Variants in CEP112 observed in about 807,000 individuals in gnomAD.
CEP112 encodes centrosomal protein of 112 kDa.
Under a neutral mutation model 153.0 loss-of-function variants are expected in CEP112, and 127 were observed. The ratio of observed to expected loss-of-function variants is 0.83; its 90% CI spans 0.72 to 0.96. The LOEUF is 0.96. CEP112 is among the 40% of genes least tolerant of loss of function. The probability of loss-of-function intolerance (pLI) is 0.00; values close to 1 mark genes in which losing one functional copy is unlikely to be tolerated. For missense variants in CEP112, 1,089 were observed against 1,101.2 expected, an observed-to-expected ratio of 0.99 and a Z score of 0.16; for synonymous variants, 358 against 374.4, an observed-to-expected ratio of 0.96 and a Z score of 0.51.
At chr17:65,818,697 A>G (rs1322680335) in intron 21 of CEP112, among the ~76,000 whole-genome samples, 2 of 151,868 alleles carry the variant, frequency 1.3e-5, no homozygotes, top group African/African-American at 4.8e-5. Context: ...ACTCTATAAC[A>G]GGGTTTTGGT....
chr17:66,009,071 G>A (rs10775400), intron 16 of CEP112, among the ~76,000 whole-genome samples: 62,125 of 151,514 alleles, frequency 0.41, 14,132 homozygotes, highest in East Asian at 0.87. Context: ...TGAATGATAC[G>A]GTAGTGCTAT....
chr17:65,773,591 G>A (rs2053508476), intron 21 of CEP112, among the ~76,000 whole-genome samples: 1 of 152,096 alleles, frequency 6.6e-6, no homozygotes, highest in Non-Finnish European at 1.5e-5. Flanking sequence ...AATGCTCATT[G>A]TAGAAAAACC....
intron 4 of CEP112, among the ~76,000 whole-genome samples, chr17:66,138,067 A>G (rs1321506382): frequency 6.6e-6 from 1 of 152,168 alleles, no homozygotes; most frequent in Admixed American, 6.5e-5. Context: ...TCAATCAATG[A>G]GATCAATGAG....
rs770688455 is a variant in CEP112, at chr17:66,063,040, T to C, written c.997A>G (p.Lys333Glu). Reference sequence around the variant, plus strand: ...TTCAGCTCTGCAATCTGGTCTTCTTTAGTCTCTCTGATAACTTGACAGTCA... The same window carrying C: ...TTCAGCTCTGCAATCTGGTCTTCTTCAGTCTCTCTGATAACTTGACAGTCA... ...IRDCQVIRET[K>E]EDQIAELKKI... The change falls in exon 11 of 27, where the codon AAA becomes GAA. Residue 333 changes from lysine (K) to glutamate (E), a missense_variant. Coordinates refer to ENST00000535342, the MANE Select transcript of CEP112 (RefSeq NM_001199165.4). 1.3e-6 allele frequency: 2 copies of C among 1,597,562 alleles called. No individual in the cohort carries two copies. The highest frequency in any genetic ancestry group is 1.7e-5 in the Admixed American group (1 of 57,654).
At chr17:65,706,215 G>A (rs1226148862) in intron 23 of CEP112, among the ~76,000 whole-genome samples, 4 of 152,224 alleles carry the variant, frequency 2.6e-5, no homozygotes, top group Non-Finnish European at 5.9e-5. Flanking sequence ...CAGGAAGGAC[G>A]CAGTATTTGG....
At chr17:65,989,965 G>T (rs979683235) in intron 17 of CEP112, among the ~76,000 whole-genome samples, 1 of 147,970 alleles carries the variant, frequency 6.8e-6, no homozygotes, top group African/African-American at 2.7e-5. Context: ...AAAATAACTT[G>T]TTATCGCTAT....
chr17:65,937,866 A>G (rs1205659514), intron 18 of CEP112, among the ~76,000 whole-genome samples: 8 of 88,586 alleles, frequency 9.0e-5, no homozygotes, highest in Admixed American at 4.3e-4. Flanking sequence ...GGCCGCCCCT[A>G]CTGGGAAGTG....
intron 21 of CEP112, among the ~76,000 whole-genome samples, chr17:65,825,438 C>G (rs2056791668): frequency 1.3e-5 from 2 of 152,216 alleles, no homozygotes; most frequent in East Asian, 3.9e-4. Flanking sequence ...TCCTAACAGG[C>G]CACAGACAGG....
rs1478105297 is a variant in CEP112, at chr17:66,132,655, A to G, written c.564+15T>C. ...CAACAAGCAAAAACCAAACAAAAGTAAAATCTAATCTTACACAAATCTTTG... is the reference window on the plus strand; with the variant it reads ...CAACAAGCAAAAACCAAACAAAAGTGAAATCTAATCTTACACAAATCTTTG... On this transcript the variant is annotated intron_variant, in intron 5 of 26. Coordinates refer to ENST00000535342, the MANE Select transcript of CEP112 (RefSeq NM_001199165.4). 6.3e-7 allele frequency: 1 copy of G among 1,582,892 alleles called. No homozygotes were observed. Among genetic ancestry groups the G allele is most frequent in the Admixed American group, 1.7e-5 (1 of 59,872 alleles).
Position 65,944,159 on chromosome 17 carries a change from G to A in CEP112, c.1873-16470C>T, listed in dbSNP as rs909118293. Among the ~76,000 whole-genome samples, 8 of 152,278 alleles carry A rather than the reference G, an allele frequency of 5.3e-5. 1 individual carries two copies. The South Asian group carries it at 8.3e-4, about 16-fold the overall frequency. ...CACTTGTAAATAGGAGCTGAACAAA[G>A]AGAACACATAGACACAGGGAGGGGA... On this transcript the variant is annotated intron_variant, in intron 18 of 26. Coordinates refer to ENST00000535342, the MANE Select transcript of CEP112 (RefSeq NM_001199165.4).
chr17:65,673,196 C>T (rs1387160968), intron 24 of CEP112, among the ~76,000 whole-genome samples: 1 of 152,122 alleles, frequency 6.6e-6, no homozygotes, highest in African/African-American at 2.4e-5. Flanking sequence ...GCTGAGGTTC[C>T]CATTTCCTGG....
intron 21 of CEP112, among the ~76,000 whole-genome samples, chr17:65,787,226 T>C (rs2054329330): frequency 6.6e-6 from 1 of 152,224 alleles, no homozygotes; most frequent in Non-Finnish European, 1.5e-5. Context: ...ACACCTGTAA[T>C]CTCAGCACTT....
At chr17:66,133,612 T>G (rs2146554062) in intron 4 of CEP112, among the ~76,000 whole-genome samples, 1 of 152,298 alleles carries the variant, frequency 6.6e-6, no homozygotes, top group South Asian at 2.1e-4. Context: ...GGAGTCTCTC[T>G]TATATGATTT....
At position 66,072,456 on chromosome 17, in the gene CEP112, C is replaced by A. The variant is rs549246111; in HGVS notation, c.769-2455G>T. 1.2e-4 allele frequency among the ~76,000 whole-genome samples: 19 copies of A among 152,258 alleles called. No homozygotes were observed. In the South Asian group the frequency reaches 3.3e-3, roughly 27 times the overall value. On this transcript the variant is annotated intron_variant, in intron 8 of 26. Coordinates refer to ENST00000535342, the MANE Select transcript of CEP112 (RefSeq NM_001199165.4). Reference sequence around the variant, plus strand: ...TTATTTCTCCTTTAATCTGGAACAGCCTTTCTTCGTGTTTAGTGACCTTGA... The same window carrying A: ...TTATTTCTCCTTTAATCTGGAACAGACTTTCTTCGTGTTTAGTGACCTTGA...
At chr17:65,880,827 T>C (rs184089962) in intron 20 of CEP112, among the ~76,000 whole-genome samples, 1 of 152,210 alleles carries the variant, frequency 6.6e-6, no homozygotes, top group Non-Finnish European at 1.5e-5. Flanking sequence ...AATCTTTTGA[T>C]TGTTCAACCT....
chr17:65,860,609 G>C (rs138431025), intron 20 of CEP112, among the ~76,000 whole-genome samples: 6 of 152,310 alleles, frequency 3.9e-5, no homozygotes, highest in African/African-American at 1.4e-4. Context: ...ACACTGGACA[G>C]AGCTGGCATT....
intron 21 of CEP112, among the ~76,000 whole-genome samples, chr17:65,799,341 T>A (rs929558967): frequency 3.9e-5 from 6 of 152,206 alleles, no homozygotes; most frequent in Admixed American, 3.9e-4. Flanking sequence ...CCGGATCCTC[T>A]ACCTTACCCA....
intron 21 of CEP112, among the ~76,000 whole-genome samples, chr17:65,783,909 G>A (rs948900621): frequency 7.9e-5 from 12 of 152,222 alleles, no homozygotes; most frequent in African/African-American, 2.9e-4. Context: ...TTAACAGCAT[G>A]GGCTATGAAG....
At chr17:65,969,396 C>A (rs4539638) in intron 17 of CEP112, among the ~76,000 whole-genome samples, 62,826 of 151,898 alleles carry the variant, frequency 0.41, 14,352 homozygotes, top group East Asian at 0.87. Flanking sequence ...ATAATACATA[C>A]CACATGCATA....
Sources: allele counts gnomAD v4.1 joint callset (sites outside exome capture counted in the v4.1 genomes callset), GRCh38; gene constraint gnomAD v4.1.1; transcripts MANE v1.5; gene names NCBI Gene and HGNC (gene_info 2026-07-23, HGNC 2026-07-21).